The following PPP5C variants were observed in gnomAD, a reference collection of about 807,000 sequenced individuals.
PPP5C encodes serine/threonine-protein phosphatase 5.
PPP5C carries 21 observed loss-of-function variants against 66.7 expected under a neutral mutation model. The observed-to-expected ratio is 0.31, with a 90% CI of 0.22 to 0.45. PPP5C has a LOEUF of 0.45. PPP5C is among the 20% of genes least tolerant of loss of function. The pLI is 1.00. For missense variants in PPP5C, 464 were observed against 675.9 expected (o/e 0.69, Z 3.48); for synonymous variants, 246 against 257.4 (o/e 0.96, Z 0.43).
At chr19:46,371,917 G>C (rs1289560651) in intron 2 of PPP5C, among the ~76,000 whole-genome samples, 1 of 152,106 alleles carries the variant, frequency 6.6e-6, no homozygotes, top group East Asian at 1.9e-4. Context: ...ACTCCATGTG[G>C]GATCTTGATG....
chr19:46,386,960 G>A, intron 7 of PPP5C, 133 bp from the exon 8 acceptor site: 1 of 1,269,494 alleles, frequency 7.9e-7, no homozygotes. Flanking sequence ...AGTCTGGAAG[G>A]CACCGCAGTG....
At chr19:46,381,247 T>A (rs1390204029) in intron 4 of PPP5C, among the ~76,000 whole-genome samples, 1 of 152,250 alleles carries the variant, frequency 6.6e-6, no homozygotes, top group African/African-American at 2.4e-5. Context: ...CATGTGTTCA[T>A]GCATGTTGTC....
chr19:46,378,566 A>C (rs1283851024), intron 4 of PPP5C, among the ~76,000 whole-genome samples: 3 of 152,206 alleles, frequency 2.0e-5, no homozygotes, highest in African/African-American at 7.2e-5. Context: ...CTCCGACTAT[A>C]CTTGTAGATT....
chr19:46,382,880 T>C (rs1368884207), intron 4 of PPP5C: 6 of 1,066,348 alleles, frequency 5.6e-6, no homozygotes, highest in Middle Eastern at 4.5e-4. Context: ...CTGTGAAAAA[T>C]AAATCATCTG....
At chr19:46,370,179 CTT>C (rs1972563407) in intron 2 of PPP5C, among the ~76,000 whole-genome samples, 2 of 152,082 alleles carry the variant, frequency 1.3e-5, no homozygotes, top group South Asian at 2.1e-4. Context: ...ACTTTATAAA[CTT>C]TTTAATTTTT....
intron 12 of PPP5C, 21 bp downstream of exon 12, chr19:46,390,153 C>T (rs532211493): frequency 6.2e-7 from 1 of 1,612,768 alleles, no homozygotes; most frequent in Admixed American, 1.7e-5. Flanking sequence ...CCTCAGGGCC[C>T]CTGCCCCTTC....
rs1427061261 is a variant in PPP5C, at chr19:46,359,049, A to C, written c.363+5060A>C. ...CTTTCTCATTTTTCCCTTTTGGTCA[A>C]AATCTTTCTTTTTAAAAGCATTGAT... is the stretch of plus-strand genomic sequence containing the variant. On this transcript the variant is annotated intron_variant, in intron 2 of 12. Coordinates refer to ENST00000012443, the MANE Select transcript of PPP5C (RefSeq NM_006247.4). Among the ~76,000 whole-genome samples, 3 of 152,148 alleles carry C rather than the reference A, an allele frequency of 2.0e-5. No individual in the cohort carries two copies. In the East Asian group the frequency reaches 5.8e-4, roughly 29 times the overall value.
intron 2 of PPP5C, among the ~76,000 whole-genome samples, chr19:46,370,764 T>C (rs1032374484): frequency 2.6e-5 from 4 of 151,928 alleles, no homozygotes; most frequent in Non-Finnish European, 5.9e-5. Flanking sequence ...TTTTTTGAGA[T>C]GGGTCTTGCT....
chr19:46,382,056 C>T (rs1433029607), intron 4 of PPP5C: 3 of 152,218 alleles, frequency 2.0e-5, no homozygotes, highest in African/African-American at 7.2e-5. Context: ...GCTCTCCAGT[C>T]TCGCCCCCAC....
At chr19:46,380,985 T>G (rs1301473015) in intron 4 of PPP5C, among the ~76,000 whole-genome samples, 1 of 152,246 alleles carries the variant, frequency 6.6e-6, no homozygotes, top group Non-Finnish European at 1.5e-5. Flanking sequence ...TCTGGAAAGC[T>G]AATAACATGC....
chr19:46,383,974 C>T lies in PPP5C; in HGVS notation c.798+96C>T, dbSNP rs1444333088. 22 of 1,072,894 alleles carry T rather than the reference C, an allele frequency of 2.1e-5. No individual in the cohort carries two copies. Among genetic ancestry groups the T allele is most frequent in the East Asian group, 1.9e-4 (8 of 42,108 alleles). 66.5% of individuals were successfully genotyped at this position (1,072,894 alleles called of 1,614,324 possible). A position where few individuals can be genotyped will look rare whatever the true frequency, so the allele number is the denominator to read the frequency against. On this transcript the variant is annotated intron_variant, in intron 6 of 12. Coordinates refer to ENST00000012443, the MANE Select transcript of PPP5C (RefSeq NM_006247.4). This position sits in a 1 kb window ranked among gnomAD's most constrained non-coding sequence, Gnocchi z 5.0. ...GGGAGGAGCCCTTGCCAGGAAAAGA[C>T]GTGACCTTGGAAAGGAGAGGCCTGG...
intron 1 of PPP5C, 109 bp from the exon 2 acceptor site, chr19:46,353,639 A>G: frequency 6.7e-7 from 1 of 1,482,740 alleles, no homozygotes; most frequent in Non-Finnish European, 9.2e-7. Flanking sequence ...GGCTCAGGGT[A>G]GCCCTCAGCT....
chr19:46,384,713 G>C, intron 6 of PPP5C, 91 bp from the exon 7 acceptor site: 1 of 953,640 alleles, frequency 1.0e-6, no homozygotes, highest in Non-Finnish European at 1.7e-6. Flanking sequence ...GGCAGGAGCA[G>C]CCCATCTGGC....
At chr19:46,380,658 A>G (rs887778836) in intron 4 of PPP5C, among the ~76,000 whole-genome samples, 5 of 152,054 alleles carry the variant, frequency 3.3e-5, no homozygotes, top group Admixed American at 1.3e-4. Flanking sequence ...TTTTGTCTTC[A>G]TTTTTAGGGG....
At chr19:46,361,252 C>G (rs1972383593) in intron 2 of PPP5C, among the ~76,000 whole-genome samples, 1 of 150,582 alleles carries the variant, frequency 6.6e-6, no homozygotes, top group Non-Finnish European at 1.5e-5. Context: ...GCCTCAGCCT[C>G]CTGAGTAGCT....
In PPP5C at chr19:46,383,866, G is replaced by A; in HGVS notation, c.786G>A (p.Glu262=). ...NIFELNGLPS[E]TNPYIFNGDF... ...TCGAGCTCAACGGTTTACCCTCGGA[G>A]ACCAACCCCTATGTATCCTTCTCAG... Residue 262 remains glutamate (E), a synonymous_variant, in exon 6 of 13, where the codon GAG becomes GAA. Transcript: ENST00000012443. The surrounding 1 kb of genome is among the most constrained non-coding windows in gnomAD (Gnocchi z 5.0). 1 of 1,612,408 alleles carries A rather than the reference G, an allele frequency of 6.2e-7. No homozygotes were observed. Among genetic ancestry groups the A allele is most frequent in the Non-Finnish European group, 8.5e-7 (1 of 1,178,538 alleles).
At chr19:46,375,949 T>C (rs556762738) in intron 3 of PPP5C, among the ~76,000 whole-genome samples, 198 bp downstream of exon 3, 1 of 152,290 alleles carries the variant, frequency 6.6e-6, no homozygotes, top group South Asian at 2.1e-4. Context: ...GTGAGCGAGA[T>C]TGGAGAGCCA....
intron 11 of PPP5C, 104 bp from the exon 12 acceptor site, chr19:46,389,947 C>A: frequency 2.1e-6 from 2 of 939,996 alleles, no homozygotes; most frequent in Admixed American, 1.8e-5. Flanking sequence ...GTGGCTCTGT[C>A]CCTCCCTCTC....
At chr19:46,387,556 G>A (rs985163821) in intron 9 of PPP5C, 103 bp downstream of exon 9, 4 of 1,596,478 alleles carry the variant, frequency 2.5e-6, no homozygotes, top group Non-Finnish European at 3.4e-6. Context: ...TTGTGCCCTT[G>A]GCAAGAAACA....
Sources: gnomAD v4.1 joint callset for allele counts (sites outside exome capture counted in the v4.1 genomes callset) on GRCh38, gnomAD v4.1.1 for gene constraint, Gnocchi (gnomAD v3.1) non-coding constraint, MANE v1.5 for transcripts, NCBI Gene and HGNC (gene_info 2026-07-23, HGNC 2026-07-21) for gene names.